The following KCTD8 variants were observed in gnomAD, a reference collection of about 807,000 sequenced individuals.
The protein encoded by KCTD8 is potassium channel tetramerization domain containing 8.
In KCTD8, 27 loss-of-function variants were observed where a neutral mutation model predicts 31.5. That is an observed-to-expected ratio of 0.86 (90% confidence interval 0.63 to 1.18). The LOEUF (loss-of-function observed/expected upper bound fraction) is 1.18. KCTD8 is among the 50% of genes most tolerant of loss of function. The pLI, the probability that KCTD8 is intolerant of heterozygous loss-of-function variation, is 0.00. For missense variants in KCTD8, 658 were observed against 647.7 expected, an observed-to-expected ratio of 1.02 and a Z score of -0.17; for synonymous variants, 290 against 280.0, an observed-to-expected ratio of 1.04 and a Z score of -0.36.
intron 1 of KCTD8, among the ~76,000 whole-genome samples, chr4:44,394,972 T>C (rs531657048): frequency 1.3e-5 from 2 of 152,124 alleles, no homozygotes; most frequent in African/African-American, 4.8e-5. Context: ...GTTCTCAAGA[T>C]AGCTGCTCAG....
In KCTD8 at chr4:44,342,454, T is replaced by C. The variant is rs989700190; in HGVS notation, c.961+105109A>G. Among the ~76,000 whole-genome samples, 9 of 152,032 alleles carry C rather than the reference T, an allele frequency of 5.9e-5. No homozygotes were observed. The East Asian group carries it at 1.7e-3, about 29-fold the overall frequency. ...GCTTACAATACTCAGTAAACCATGC[T>C]ATAAACAGATGTGCTCTCATCCAGG... On this transcript the variant is annotated intron_variant, in intron 1 of 1. Coordinates refer to ENST00000360029, the MANE Select transcript of KCTD8 (RefSeq NM_198353.3).
chr4:44,324,918 T>TCA (rs1718403355), intron 1 of KCTD8, among the ~76,000 whole-genome samples: 1 of 152,050 alleles, frequency 6.6e-6, no homozygotes, highest in African/African-American at 2.4e-5. Context: ...TGATTTTATG[T>TCA]AACTGTCTTG....
chr4:44,327,060 G>C (rs11932981), intron 1 of KCTD8, among the ~76,000 whole-genome samples: 4,518 of 151,852 alleles, frequency 0.03, 289 homozygotes, highest in African/African-American at 0.1. Flanking sequence ...TCCTGTAATG[G>C]GCTCTTTGCC....
At chr4:44,278,090 T>C (rs1350180397) in intron 1 of KCTD8, among the ~76,000 whole-genome samples, 2 of 152,022 alleles carry the variant, frequency 1.3e-5, no homozygotes, top group African/African-American at 4.8e-5. Flanking sequence ...TCTCTGTTTT[T>C]CATCACTTTT....
chr4:44,408,912 C>T (rs923407013), intron 1 of KCTD8, among the ~76,000 whole-genome samples: 5 of 151,682 alleles, frequency 3.3e-5, no homozygotes, highest in African/African-American at 4.8e-5. Flanking sequence ...CCACTGCGCC[C>T]GGCCTAGTAT....
chr4:44,206,413 C>T (rs975087118), intron 1 of KCTD8, among the ~76,000 whole-genome samples: 1 of 152,192 alleles, frequency 6.6e-6, no homozygotes, highest in Non-Finnish European at 1.5e-5. Context: ...CACATGCCCA[C>T]AGCATGTGTA....
At chr4:44,357,572 T>C (rs1023564741) in intron 1 of KCTD8, among the ~76,000 whole-genome samples, 2 of 152,096 alleles carry the variant, frequency 1.3e-5, no homozygotes, top group African/African-American at 4.8e-5. Context: ...CTAAAGCCAA[T>C]TCTCTAACAA....
intron 1 of KCTD8, among the ~76,000 whole-genome samples, chr4:44,367,424 T>A (rs560840897): frequency 6.6e-6 from 1 of 152,300 alleles, no homozygotes; most frequent in East Asian, 1.9e-4. Context: ...GATCCTCCAT[T>A]ACTGGACCCA....
At chr4:44,267,865 G>A (rs983848864) in intron 1 of KCTD8, among the ~76,000 whole-genome samples, 2 of 152,150 alleles carry the variant, frequency 1.3e-5, no homozygotes, top group African/African-American at 4.8e-5. Flanking sequence ...TCTCTGAATA[G>A]ACCAATAACA....
chr4:44,370,180 C>G (rs188750603), intron 1 of KCTD8, among the ~76,000 whole-genome samples: 1 of 152,272 alleles, frequency 6.6e-6, no homozygotes, highest in African/African-American at 2.4e-5. Flanking sequence ...ATCTTCCAAT[C>G]CTGCTTTCTC....
intron 1 of KCTD8, among the ~76,000 whole-genome samples, chr4:44,218,640 GAA>G (rs33947810): frequency 6.7e-6 from 1 of 148,222 alleles, no homozygotes; most frequent in African/African-American, 2.5e-5. Flanking sequence ...AATAAATAAA[GAA>G]AAAAAAATTA....
At chr4:44,296,615 T>C (rs571413549) in intron 1 of KCTD8, among the ~76,000 whole-genome samples, 119 of 152,294 alleles carry the variant, frequency 7.8e-4, no homozygotes, top group African/African-American at 2.8e-3. Context: ...TAGACTATTT[T>C]GCTGCTCTTT....
At chr4:44,308,561 ATTTG>A (rs916223763) in intron 1 of KCTD8, among the ~76,000 whole-genome samples, 36 of 148,536 alleles carry the variant, frequency 2.4e-4, no homozygotes, top group African/African-American at 7.5e-4. Context: ...TATTGTCTGT[ATTTG>A]TTTGTTATAG....
At chr4:44,284,292 C>T (rs4419507) in intron 1 of KCTD8, among the ~76,000 whole-genome samples, 138,697 of 152,188 alleles carry the variant, frequency 0.91, 63,448 homozygotes, top group East Asian at 1. Context: ...CATAGACCAA[C>T]GGAACAGAAC....
intron 1 of KCTD8, among the ~76,000 whole-genome samples, chr4:44,240,013 T>C (rs1311331672): frequency 6.6e-6 from 1 of 152,224 alleles, no homozygotes; most frequent in African/African-American, 2.4e-5. Context: ...AAATCAGAGA[T>C]GCAACCTAAT....
intron 1 of KCTD8, among the ~76,000 whole-genome samples, chr4:44,343,639 G>A (rs1718963185): frequency 6.6e-6 from 1 of 152,094 alleles, no homozygotes; most frequent in South Asian, 2.1e-4. Context: ...CCATTAAAAT[G>A]AGTCATTCCT....
intron 1 of KCTD8, among the ~76,000 whole-genome samples, chr4:44,349,106 T>C (rs991664587): frequency 8.8e-5 from 9 of 101,786 alleles, no homozygotes; most frequent in Non-Finnish European, 1.8e-4. Context: ...CTACCACCAA[T>C]GCTATCATCA....
At chr4:44,180,587 GCA>G (rs201708007) in intron 1 of KCTD8, among the ~76,000 whole-genome samples, 26,463 of 138,466 alleles carry the variant, frequency 0.19, 2,519 homozygotes, top group East Asian at 0.49. Flanking sequence ...ATACATACAT[GCA>G]CACACACACA....
intron 1 of KCTD8, among the ~76,000 whole-genome samples, chr4:44,380,767 T>C (rs1369148140): frequency 6.6e-6 from 1 of 151,960 alleles, no homozygotes; most frequent in African/African-American, 2.4e-5. Flanking sequence ...ATATATTTTA[T>C]GTTTTATGTC....
Sources: gnomAD v4.1 joint callset for allele counts (sites outside exome capture counted in the v4.1 genomes callset) on GRCh38, gnomAD v4.1.1 for gene constraint, MANE v1.5 for transcripts, NCBI Gene and HGNC (gene_info 2026-07-23, HGNC 2026-07-21) for gene names.